The following SMIM36 variants were observed in gnomAD, a reference collection of about 807,000 sequenced individuals.
The protein encoded by SMIM36 is small integral membrane protein 36.
chr17:55,471,357 T>A (rs1909339137), intron 3 of SMIM36, among the ~76,000 whole-genome samples: 1 of 152,160 alleles, frequency 6.6e-6, no homozygotes, highest in Non-Finnish European at 1.5e-5. Flanking sequence ...ACTGTCCTGC[T>A]TCTTCAACAT....
rs760533765 is a variant in SMIM36, at chr17:55,491,704, C to T, written c.*175-12124G>A. Among the ~76,000 whole-genome samples the T allele has an allele frequency of 3.3e-5, 5 of 152,102 alleles. No homozygotes were observed. In the South Asian group the frequency reaches 6.2e-4, roughly 19 times the overall value. On this transcript the variant is annotated intron_variant, in intron 1 of 4. Transcript: ENST00000636752. The stretch of plus-strand genomic sequence containing the variant: ...CTCCCCTCCTGGCCTCAAACTCAGA[C>T]GTAAAGTTTGGAACTGCAGTGGCCA...
chr17:55,501,102 AATATATAATATATATCATATT>A (rs1909932780), intron 1 of SMIM36, among the ~76,000 whole-genome samples: 1 of 13,906 alleles, frequency 7.2e-5, no homozygotes, highest in African/African-American at 8.3e-4. Context: ...TATATTTTAT[AATATATAATATATATCATATT>A]TTATAATATA....
At chr17:55,487,181 A>G (rs1445812199) in intron 1 of SMIM36, among the ~76,000 whole-genome samples, 1 of 150,364 alleles carries the variant, frequency 6.7e-6, no homozygotes, top group Non-Finnish European at 1.5e-5. Flanking sequence ...GGCGGGGAAC[A>G]TCACACCCTG....
intron 1 of SMIM36, among the ~76,000 whole-genome samples, chr17:55,500,087 A>G (rs551173360): frequency 6.6e-6 from 1 of 151,560 alleles, no homozygotes; most frequent in South Asian, 2.1e-4. Flanking sequence ...AGAAATCGCA[A>G]TTTCTTCTGG....
chr17:55,489,376 AAAAAC>A (rs10676842), intron 1 of SMIM36, among the ~76,000 whole-genome samples: 43 of 150,336 alleles, frequency 2.9e-4, no homozygotes, highest in African/African-American at 7.8e-4. Context: ...CCCTGTCTCC[AAAAAC>A]AAAACAAAAC....
intron 1 of SMIM36, 95 bp downstream of exon 1, chr17:55,510,784 T>C: frequency 4.1e-6 from 1 of 242,062 alleles, no homozygotes; most frequent in Non-Finnish European, 7.9e-6. Flanking sequence ...GACAGCAACA[T>C]CAGAAATGTA....
At chr17:55,458,358 G>T (rs1567862223) in intron 4 of SMIM36, 1 of 152,146 alleles carries the variant, frequency 6.6e-6, no homozygotes, top group African/African-American at 2.4e-5. Context: ...AATTAATATG[G>T]GAGTGCTGGG....
intron 1 of SMIM36, among the ~76,000 whole-genome samples, chr17:55,487,173 C>T (rs1239111140): frequency 2.6e-5 from 3 of 115,420 alleles, no homozygotes; most frequent in Admixed American, 2.0e-4. Flanking sequence ...GACCACAGGG[C>T]GGGGAACATC....
At chr17:55,523,016 G>T in the SMIM36 span, among the ~76,000 whole-genome samples, 1 of 152,170 alleles carries the variant, frequency 6.6e-6, no homozygotes, top group Non-Finnish European at 1.5e-5. Context: ...GGGGATTAGA[G>T]AAATATTATA....
At chr17:55,531,963 G>C in the SMIM36 span, among the ~76,000 whole-genome samples, 1 of 152,214 alleles carries the variant, frequency 6.6e-6, no homozygotes, top group South Asian at 2.1e-4. Context: ...TGTCACCCAA[G>C]TGTCAGTTGT....
At chr17:55,515,086 G>GTTTTTTTTTT (rs1158864125), upstream of SMIM36, among the ~76,000 whole-genome samples, 47 of 54,094 alleles carry the variant, frequency 8.7e-4, 12 homozygotes, top group Non-Finnish European at 1.2e-3. Context: ...CTAGTCTAGT[G>GTTTTTTTTTT]TTTTTTTTTT....
chr17:55,492,628 T>TGA (rs573589767), intron 1 of SMIM36, among the ~76,000 whole-genome samples: 1 of 143,322 alleles, frequency 7.0e-6, no homozygotes, highest in African/African-American at 2.5e-5. Flanking sequence ...TACACCCACT[T>TGA]AAAAAAAAAA....
In SMIM36 at chr17:55,492,457, G is replaced by T. The variant is rs1909729874; in HGVS notation, c.*175-12877C>A. Among the ~76,000 whole-genome samples, 3 of 151,040 alleles carry T rather than the reference G, an allele frequency of 2.0e-5. No individual in the cohort carries two copies. The South Asian group carries it at 6.3e-4, about 32-fold the overall frequency. On this transcript the variant is annotated intron_variant, in intron 1 of 4. Coordinates refer to ENST00000636752, the Ensembl canonical transcript of SMIM36. ...GATGGGGTTTCACCATGTTGGCCAG[G>T]ATGGTCACGATCTCTTGACCTCATA...
upstream of SMIM36, among the ~76,000 whole-genome samples, chr17:55,515,786 G>A (rs1271856572): frequency 6.6e-6 from 1 of 152,202 alleles, no homozygotes; most frequent in Admixed American, 6.5e-5. Flanking sequence ...CCACAACTGT[G>A]AGAGAATAAA....
At chr17:55,528,440 C>T in the SMIM36 span, among the ~76,000 whole-genome samples, 1 of 152,132 alleles carries the variant, frequency 6.6e-6, no homozygotes, top group South Asian at 2.1e-4. Flanking sequence ...CAGCTTCAAG[C>T]TCCTGGTCTC....
Position 55,508,431 on chromosome 17 carries a change from A to AATATATATATATAT in SMIM36, c.*174+2434_*174+2447dup, listed in dbSNP as rs55879501. Among the ~76,000 whole-genome samples, 272 of 114,268 alleles carry AATATATATATATAT rather than the reference A, an allele frequency of 2.4e-3. 17 individuals are homozygous for AATATATATATATAT. Among genetic ancestry groups the AATATATATATATAT allele is most frequent in the African/African-American group, 6.9e-3 (196 of 28,352 alleles). 75.0% of individuals were successfully genotyped at this position (114,268 alleles called of 152,430 possible). A position where few individuals can be genotyped will look rare whatever the true frequency, so the allele number is the denominator to read the frequency against. On this transcript the variant is annotated intron_variant, in intron 1 of 4. Transcript: ENST00000636752. ...CATATTTTATATATATATTCCTAGGAATATATATATATATATATATATATA... is the reference window on the plus strand; with the variant it reads ...CATATTTTATATATATATTCCTAGGAATATATATATATATATATATATATATATATATATATATA...
At chr17:55,468,732 C>T (rs1039076703) in intron 3 of SMIM36, among the ~76,000 whole-genome samples, 6 of 152,140 alleles carry the variant, frequency 3.9e-5, no homozygotes, top group Admixed American at 1.3e-4. Flanking sequence ...GGCAAACTTC[C>T]GCCCTCCATT....
chr17:55,487,125 C>T lies in SMIM36; in HGVS notation c.*175-7545G>A, dbSNP rs145511859. On this transcript the variant is annotated intron_variant, in intron 1 of 4. Transcript: ENST00000636752. Reference sequence around the variant, plus strand: ...AACAGAAAACCAAACACCGCATGTTCTCACTCATAGGTGGGAATTGAACAA... The same window carrying T: ...AACAGAAAACCAAACACCGCATGTTTTCACTCATAGGTGGGAATTGAACAA... 2.1e-3 allele frequency among the ~76,000 whole-genome samples: 325 copies of T among 151,484 alleles called. 1 individual carries two copies. The highest frequency in any genetic ancestry group is 0.014 in the Middle Eastern group (4 of 294).
At chr17:55,456,307 C>G (rs1909023065) in intron 4 of SMIM36, among the ~76,000 whole-genome samples, 1 of 152,098 alleles carries the variant, frequency 6.6e-6, no homozygotes, top group Non-Finnish European at 1.5e-5. Context: ...GGCTACGGCC[C>G]ATTCTTAATT....
Sources: gnomAD v4.1 joint callset for allele counts (sites outside exome capture counted in the v4.1 genomes callset) on GRCh38, gnomAD v4.1.1 for gene constraint, MANE v1.5 for transcripts, NCBI Gene and HGNC (gene_info 2026-07-23, HGNC 2026-07-21) for gene names.